Variants in RIT2 observed in about 807,000 individuals in gnomAD.
The protein encoded by RIT2 is Ras like without CAAX 2.
In RIT2, 24 loss-of-function variants were observed where a neutral mutation model predicts 23.7. The observed-to-expected ratio is 1.01, with a 90% CI of 0.73 to 1.43. The LOEUF (loss-of-function observed/expected upper bound fraction) is 1.43. Ranked by LOEUF, RIT2 falls within the 40% of genes most tolerant of loss-of-function variation. The pLI, the probability that RIT2 is intolerant of heterozygous loss-of-function variation, is 0.00. For missense variants in RIT2, 236 were observed against 266.9 expected (o/e 0.88, Z 0.81); for synonymous variants, 107 against 91.1 (o/e 1.17, Z -0.99).
chr18:42,983,975 A>G (rs1049324494), intron 2 of RIT2, among the ~76,000 whole-genome samples: 3 of 152,106 alleles, frequency 2.0e-5, no homozygotes, highest in African/African-American at 7.2e-5. Context: ...AAAACTAATC[A>G]TGCATGTATC....
At chr18:43,011,213 C>T (rs994346077) in intron 2 of RIT2, among the ~76,000 whole-genome samples, 11 of 151,672 alleles carry the variant, frequency 7.3e-5, no homozygotes, top group African/African-American at 2.7e-4. Flanking sequence ...GTGGTGTGAT[C>T]AAGGAGGAGC....
At chr18:43,102,909 C>T (rs1190029443) in intron 1 of RIT2, among the ~76,000 whole-genome samples, 1 of 152,134 alleles carries the variant, frequency 6.6e-6, no homozygotes, top group East Asian at 1.9e-4. Context: ...CCACCTCGGC[C>T]TCCCAAAGCG....
chr18:42,955,946 T>A (rs1018212372), intron 3 of RIT2, among the ~76,000 whole-genome samples: 3 of 152,214 alleles, frequency 2.0e-5, no homozygotes, highest in African/African-American at 7.2e-5. Context: ...TAATTTCTTT[T>A]GCATCTGTAG....
At chr18:42,821,048 TAA>T (rs1181571179) in intron 4 of RIT2, among the ~76,000 whole-genome samples, 2 of 152,146 alleles carry the variant, frequency 1.3e-5, no homozygotes, top group Admixed American at 6.6e-5. Flanking sequence ...CCCCCATGAA[TAA>T]AAGTTTCCTG....
intron 4 of RIT2, among the ~76,000 whole-genome samples, chr18:42,865,956 C>T (rs751065342): frequency 1.2e-4 from 18 of 152,126 alleles, no homozygotes; most frequent in Non-Finnish European, 1.8e-4. Flanking sequence ...AACTTTTCTC[C>T]TGGGACTTCT....
At position 42,969,826 on chromosome 18, in the gene RIT2, A is replaced by AT. The variant is rs1172334817; in HGVS notation, c.234+4247dup. On this transcript the variant is annotated intron_variant, in intron 3 of 4. Transcript: ENST00000326695. The stretch of plus-strand genomic sequence containing the variant: ...TTATTTTTAAAATACTTTATCTTTA[A>AT]TTTTTTATTTAGATCATTTAGATAT... 2.0e-5 allele frequency among the ~76,000 whole-genome samples: 3 copies of AT among 151,992 alleles called. No individual in the cohort carries two copies. The East Asian group carries it at 5.8e-4, about 29-fold the overall frequency.
At chr18:43,010,535 C>T (rs1021320059) in intron 2 of RIT2, among the ~76,000 whole-genome samples, 21 of 151,714 alleles carry the variant, frequency 1.4e-4, no homozygotes, top group Non-Finnish European at 2.4e-4. Flanking sequence ...CAATTTTGTT[C>T]AGGTTTGAGT....
chr18:42,827,323 G>T, intron 4 of RIT2, among the ~76,000 whole-genome samples: 1 of 151,988 alleles, frequency 6.6e-6, no homozygotes, highest in Admixed American at 6.6e-5. Context: ...TATCTTCATT[G>T]AATCACATAA....
intron 4 of RIT2, among the ~76,000 whole-genome samples, chr18:42,796,444 G>GT (rs1408972802): frequency 5.6e-5 from 8 of 142,634 alleles, no homozygotes; most frequent in Admixed American, 2.9e-4. Context: ...CTTGAAGTCA[G>GT]TGAGACCAAG....
intron 4 of RIT2, among the ~76,000 whole-genome samples, chr18:42,914,351 T>C (rs1908847299): frequency 6.6e-6 from 1 of 152,112 alleles, no homozygotes. Context: ...TGAATGCCCA[T>C]AGCAGCTTTC....
intron 4 of RIT2, among the ~76,000 whole-genome samples, chr18:42,794,857 C>A (rs182261219): frequency 6.6e-6 from 1 of 152,194 alleles, no homozygotes; most frequent in African/African-American, 2.4e-5. Context: ...AGAAATAATG[C>A]ACAATAAAAA....
intron 4 of RIT2, among the ~76,000 whole-genome samples, chr18:42,851,297 A>T (rs532526075): frequency 1.3e-5 from 2 of 152,296 alleles, no homozygotes; most frequent in South Asian, 4.1e-4. Context: ...ATCTTGTCTA[A>T]TTTTGACAAT....
At chr18:43,102,659 A>AT (rs1913714943) in intron 1 of RIT2, among the ~76,000 whole-genome samples, 1 of 142,750 alleles carries the variant, frequency 7.0e-6, no homozygotes, top group African/African-American at 2.5e-5. Flanking sequence ...TTTATTTATT[A>AT]TTTTTCTCTT....
At chr18:42,917,986 G>A (rs1196620804) in intron 4 of RIT2, among the ~76,000 whole-genome samples, 1 of 152,056 alleles carries the variant, frequency 6.6e-6, no homozygotes, top group Non-Finnish European at 1.5e-5. Flanking sequence ...TCAGAACTGT[G>A]TACACATGTG....
At chr18:43,064,668 T>G (rs530089724) in intron 1 of RIT2, among the ~76,000 whole-genome samples, 1 of 152,266 alleles carries the variant, frequency 6.6e-6, no homozygotes, top group Middle Eastern at 3.4e-3. Flanking sequence ...GAAAGAACAA[T>G]GGTCCCTATA....
At chr18:42,760,828 C>T (rs79436827) in intron 4 of RIT2, among the ~76,000 whole-genome samples, 1 of 152,286 alleles carries the variant, frequency 6.6e-6, no homozygotes, top group African/African-American at 2.4e-5. Flanking sequence ...GCTGGTCTCC[C>T]TGCATGCATC....
At chr18:43,044,953 C>T (rs1285342261) in intron 1 of RIT2, among the ~76,000 whole-genome samples, 1 of 152,032 alleles carries the variant, frequency 6.6e-6, no homozygotes, top group Non-Finnish European at 1.5e-5. Flanking sequence ...TGATGAGACA[C>T]AAAAAGGCAA....
At chr18:43,015,162 T>C (rs1911444736) in intron 2 of RIT2, among the ~76,000 whole-genome samples, 1 of 151,766 alleles carries the variant, frequency 6.6e-6, no homozygotes, top group South Asian at 2.1e-4. Flanking sequence ...TATGAGTGGT[T>C]ACTGTGTAAT....
chr18:43,064,997 T>C (rs1912736453), intron 1 of RIT2, among the ~76,000 whole-genome samples: 1 of 151,764 alleles, frequency 6.6e-6, no homozygotes, highest in Non-Finnish European at 1.5e-5. Flanking sequence ...TTCTATTTTT[T>C]TTAGTAGAGA....
Sources: gnomAD v4.1 joint callset for allele counts (sites outside exome capture counted in the v4.1 genomes callset) on GRCh38, gnomAD v4.1.1 for gene constraint, MANE v1.5 for transcripts, NCBI Gene and HGNC (gene_info 2026-07-23, HGNC 2026-07-21) for gene names.